PTK2: variants seen among roughly 807,000 people sequenced by gnomAD.
PTK2 encodes focal adhesion kinase 1.
Under a neutral mutation model 150.1 loss-of-function variants are expected in PTK2, and 45 were observed. That is an observed-to-expected ratio of 0.30 (90% CI 0.24 to 0.38). PTK2 has a LOEUF of 0.38. Ranked by LOEUF, PTK2 falls within the 10% of genes least tolerant of loss-of-function variation. The probability of loss-of-function intolerance (pLI) is 1.00; values close to 1 mark genes in which losing one functional copy is unlikely to be tolerated. For missense variants in PTK2, 919 were observed against 1,307.3 expected (o/e 0.70, Z 4.58); for synonymous variants, 432 against 449.2 (o/e 0.96, Z 0.48).
intron 26 of PTK2, among the ~76,000 whole-genome samples, chr8:140,696,909 A>C (rs1217835728): frequency 6.6e-6 from 1 of 151,996 alleles, no homozygotes; most frequent in Non-Finnish European, 1.5e-5. Flanking sequence ...AAAATACAAT[A>C]CCATCTCACA....
intron 3 of PTK2, 99 bp downstream of exon 3, chr8:140,890,444 T>A: frequency 1.0e-6 from 1 of 998,566 alleles, no homozygotes; most frequent in Non-Finnish European, 1.5e-6. Context: ...AAGTCCCCGA[T>A]AAGTTAAATA....
At chr8:140,928,625 A>T (rs2100170577) in intron 1 of PTK2, among the ~76,000 whole-genome samples, 2 of 152,242 alleles carry the variant, frequency 1.3e-5, no homozygotes, top group Non-Finnish European at 2.9e-5. Flanking sequence ...CTTGAAAAGG[A>T]AAGAAATTCT....
chr8:140,889,396 A>G (rs2100153473), intron 3 of PTK2, among the ~76,000 whole-genome samples: 1 of 151,886 alleles, frequency 6.6e-6, no homozygotes, highest in African/African-American at 2.4e-5. Flanking sequence ...CACCTGGCTA[A>G]TTTTGTATTT....
chr8:140,661,465 G>A (rs901412459), intron 31 of PTK2, among the ~76,000 whole-genome samples: 1 of 152,146 alleles, frequency 6.6e-6, no homozygotes, highest in Non-Finnish European at 1.5e-5. Context: ...CACTGACTGT[G>A]GAAGCAAACA....
intron 18 of PTK2, among the ~76,000 whole-genome samples, chr8:140,745,831 C>T (rs1003972363): frequency 1.3e-5 from 2 of 151,968 alleles, no homozygotes; most frequent in Admixed American, 1.3e-4. Flanking sequence ...GAAACCCTGT[C>T]TCCATTAAAA....
chr8:140,872,722 A>G (rs2100143249), intron 4 of PTK2, among the ~76,000 whole-genome samples: 1 of 152,202 alleles, frequency 6.6e-6, no homozygotes, highest in East Asian at 1.9e-4. Flanking sequence ...GAAGGAATTT[A>G]CCATTCCCTT....
exon 18 of PTK2, chr8:140,746,780 C>G: frequency 1.2e-6 from 2 of 1,612,444 alleles, no homozygotes; most frequent in Non-Finnish European, 1.7e-6. Flanking sequence ...GTGCACAGCT[C>G]CATGATTATC....
chr8:140,844,116 TG>T (rs2100123910), intron 7 of PTK2, among the ~76,000 whole-genome samples: 1 of 152,216 alleles, frequency 6.6e-6, no homozygotes, highest in Admixed American at 6.5e-5. Context: ...ACTGTGGTTA[TG>T]GGTTTTTATT....
At chr8:140,782,439 T>C (rs551404007) in intron 14 of PTK2, among the ~76,000 whole-genome samples, 1 of 152,266 alleles carries the variant, frequency 6.6e-6, no homozygotes, top group East Asian at 1.9e-4. Context: ...GGTTTCACCA[T>C]GTTGCCCAGG....
At chr8:140,756,218 G>C (rs2100065591) in intron 16 of PTK2, among the ~76,000 whole-genome samples, 1 of 151,720 alleles carries the variant, frequency 6.6e-6, no homozygotes, top group Non-Finnish European at 1.5e-5. Flanking sequence ...AGCTAGTTGG[G>C]AGGCTGAGGC....
At chr8:140,746,219 C>T (rs898232405) in intron 18 of PTK2, among the ~76,000 whole-genome samples, 1 of 151,984 alleles carries the variant, frequency 6.6e-6, no homozygotes, top group Non-Finnish European at 1.5e-5. Flanking sequence ...GTAGTCCCAG[C>T]AACTCGGGAA....
At chr8:140,810,077 A>G (rs1302831412) in intron 10 of PTK2, among the ~76,000 whole-genome samples, 1 of 152,168 alleles carries the variant, frequency 6.6e-6, no homozygotes, top group East Asian at 1.9e-4. Flanking sequence ...CTGGCCCACA[A>G]TTACCCTGGG....
chr8:140,703,073 C>A (rs1428610921), intron 24 of PTK2, among the ~76,000 whole-genome samples: 1 of 152,070 alleles, frequency 6.6e-6, no homozygotes, highest in African/African-American at 2.4e-5. Context: ...GGGCCAGGCA[C>A]GGTGGCTCTA....
At chr8:140,962,029 G>A (rs1464330497) in intron 1 of PTK2, among the ~76,000 whole-genome samples, 3 of 151,978 alleles carry the variant, frequency 2.0e-5, no homozygotes, top group Admixed American at 6.6e-5. Flanking sequence ...GATCACATGA[G>A]GCCAGGAGTT....
chr8:140,894,629 T>G (rs2100155430), intron 2 of PTK2, among the ~76,000 whole-genome samples: 1 of 152,148 alleles, frequency 6.6e-6, no homozygotes, highest in Non-Finnish European at 1.5e-5. Context: ...AAACCCAAAG[T>G]GCAAATCACG....
At chr8:140,787,616 A>G (rs568084062) in intron 14 of PTK2, among the ~76,000 whole-genome samples, 2 of 152,302 alleles carry the variant, frequency 1.3e-5, no homozygotes, top group East Asian at 3.9e-4. Context: ...GAGATTAGTA[A>G]AACAGGAGGA....
At chr8:140,818,547 T>G (rs1166534345) in intron 9 of PTK2, among the ~76,000 whole-genome samples, 193 bp from the exon 10 acceptor site, 1 of 152,248 alleles carries the variant, frequency 6.6e-6, no homozygotes, top group Non-Finnish European at 1.5e-5. Flanking sequence ...CAAAGTGCAC[T>G]GTGCTTATTC....
chr8:140,840,780 G>T (rs1464485154), intron 7 of PTK2, among the ~76,000 whole-genome samples: 1 of 152,108 alleles, frequency 6.6e-6, no homozygotes, highest in Non-Finnish European at 1.5e-5. Flanking sequence ...AAGAAATACA[G>T]ATGTACTAAA....
At chr8:140,701,598 T>C (rs2100030494) in intron 25 of PTK2, among the ~76,000 whole-genome samples, 2 of 152,166 alleles carry the variant, frequency 1.3e-5, no homozygotes, top group Non-Finnish European at 2.9e-5. Context: ...GAGTAGTTCT[T>C]GGTTTTACCA....
Sources: gnomAD v4.1 joint callset for allele counts (sites outside exome capture counted in the v4.1 genomes callset) on GRCh38, gnomAD v4.1.1 for gene constraint, MANE v1.5 for transcripts, NCBI Gene and HGNC (gene_info 2026-07-23, HGNC 2026-07-21) for gene names.